Variants in ARNT2 observed in about 807,000 individuals in gnomAD.
ARNT2 encodes aryl hydrocarbon receptor nuclear translocator 2, also known as ARNT protein 2.
ARNT2 carries 36 observed loss-of-function variants against 91.7 expected under a neutral mutation model. The observed-to-expected ratio is 0.39, with a 90% confidence interval of 0.30 to 0.52. The LOEUF (loss-of-function observed/expected upper bound fraction) is 0.52, where lower values mean the gene tolerates loss of function less well. ARNT2 is among the 20% of genes least tolerant of loss of function. The pLI is 0.72. For missense variants in ARNT2, 775 were observed against 939.3 expected (o/e 0.83, Z 2.29); for synonymous variants, 365 against 347.1 (o/e 1.05, Z -0.57).
In ARNT2 at chr15:80,591,064, G is replaced by T. The variant is rs1303599954; in HGVS notation, c.1919-504G>T. 6.6e-6 allele frequency among the ~76,000 whole-genome samples: 1 copy of T among 152,220 alleles called. No individual in the cohort carries two copies. Among genetic ancestry groups the T allele is most frequent in the Admixed American group, 6.5e-5 (1 of 15,280 alleles). On this transcript the variant is annotated intron_variant, in intron 17 of 18. Transcript: ENST00000303329. The surrounding 1 kb of genome is among the most constrained non-coding windows in gnomAD (Gnocchi z 5.1). Reference sequence around the variant, plus strand: ...AGGCTGAGGTTGGGAATGCCAAGATGAGGCTTTTCCTCTAGCAGGGCCAGA... The same window carrying T: ...AGGCTGAGGTTGGGAATGCCAAGATTAGGCTTTTCCTCTAGCAGGGCCAGA...
At chr15:80,567,214 C>A (rs1898500722) in intron 12 of ARNT2, among the ~76,000 whole-genome samples, 1 of 152,176 alleles carries the variant, frequency 6.6e-6, no homozygotes, top group African/African-American at 2.4e-5. Context: ...ACAGGATGTG[C>A]TCACTGACCT....
intron 16 of ARNT2, 133 bp downstream of exon 16, chr15:80,580,682 G>A: frequency 8.2e-7 from 1 of 1,218,142 alleles, no homozygotes; most frequent in Admixed American, 2.2e-5. Flanking sequence ...ACAGCAGCTG[G>A]CTACTCAGGA....
rs920138807 is a variant in ARNT2 at position 80,538,129 on chromosome 15, A to C, written c.878-13070A>C. Among the ~76,000 whole-genome samples the C allele has an allele frequency of 9.8e-5, 15 of 152,346 alleles. 2 individuals are homozygous for C. The highest frequency in any genetic ancestry group is 2.0e-4 in the Admixed American group (3 of 15,308). Reference sequence around the variant, plus strand: ...TCATAGTAAAACAAAGAAGTCATGAAATTTTATAATATTTAAATATATGAA... The same window carrying C: ...TCATAGTAAAACAAAGAAGTCATGACATTTTATAATATTTAAATATATGAA... On this transcript the variant is annotated intron_variant, in intron 8 of 18. Coordinates refer to ENST00000303329, the MANE Select transcript of ARNT2 (RefSeq NM_014862.4).
chr15:80,547,420 C>A (rs1898007342), intron 8 of ARNT2, among the ~76,000 whole-genome samples: 1 of 152,080 alleles, frequency 6.6e-6, no homozygotes, highest in African/African-American at 2.4e-5. Flanking sequence ...GTATTAAGCC[C>A]CGGATGGAAA....
rs998973375 is a variant in ARNT2 at position 80,558,686 on chromosome 15, C to T, written c.1164+3547C>T. ...AATCTTCACCACTGAGTGTAGAGCC[C>T]TGTACAAGGGTGGCTCTCAACAAAG... On this transcript the variant is annotated intron_variant, in intron 11 of 18. Transcript: ENST00000303329. Among the ~76,000 whole-genome samples the T allele has an allele frequency of 1.3e-5, 2 of 152,122 alleles. 1 individual carries two copies. The highest frequency in any genetic ancestry group is 4.8e-5 in the African/African-American group (2 of 41,420).
chr15:80,580,117 G>A, intron 15 of ARNT2: 1 of 338,206 alleles, frequency 3.0e-6, no homozygotes, highest in Non-Finnish European at 5.6e-6. Context: ...GGATGTACAG[G>A]CATAGGATAG....
chr15:80,575,187 C>G, intron 14 of ARNT2, 77 bp downstream of exon 14: 1 of 1,571,536 alleles, frequency 6.4e-7, no homozygotes. Context: ...GACAGCTACT[C>G]TTAGTAAGAG....
At chr15:80,507,131 G>A (rs1311902316) in intron 5 of ARNT2, among the ~76,000 whole-genome samples, 2 of 152,204 alleles carry the variant, frequency 1.3e-5, no homozygotes, top group Non-Finnish European at 2.9e-5. Context: ...TCTTTTGCTT[G>A]TTTGTTTTCC....
At chr15:80,409,330 AC>A (rs1431918837) in intron 1 of ARNT2, among the ~76,000 whole-genome samples, 4 of 152,210 alleles carry the variant, frequency 2.6e-5, no homozygotes, top group Non-Finnish European at 4.4e-5. Flanking sequence ...TTCATGCATT[AC>A]GTAGCCTTTT....
Position 80,503,958 on chromosome 15 carries a change from GCA to G in ARNT2, c.623-4195_623-4194del, listed in dbSNP as rs545507692. On this transcript the variant is annotated intron_variant, in intron 5 of 18. Coordinates refer to ENST00000303329, the MANE Select transcript of ARNT2 (RefSeq NM_014862.4). ...GTGTTGAGGGGAGCAAGCTGACCAG[GCA>G]CAGTCCTAGACCATGTGTGCAGGAT... 6.6e-5 allele frequency among the ~76,000 whole-genome samples: 10 copies of G among 152,328 alleles called. No individual in the cohort carries two copies. The South Asian group carries it at 2.1e-3, about 32-fold the overall frequency.
chr15:80,592,266 G>C (rs1297947977), intron 18 of ARNT2, among the ~76,000 whole-genome samples: 2 of 152,212 alleles, frequency 1.3e-5, no homozygotes, highest in African/African-American at 4.8e-5. Flanking sequence ...AAGGCAGACT[G>C]TGTGGCTGGG....
At chr15:80,445,186 G>A (rs1896277260) in intron 1 of ARNT2, 1 of 151,740 alleles carries the variant, frequency 6.6e-6, no homozygotes, top group Admixed American at 6.6e-5. Flanking sequence ...TACGCAGGGT[G>A]TGTGGGGTGT....
intron 5 of ARNT2, among the ~76,000 whole-genome samples, chr15:80,506,189 G>T (rs1897274021): frequency 6.6e-6 from 1 of 152,110 alleles, no homozygotes; most frequent in Non-Finnish European, 1.5e-5. Context: ...ACCCGCCTCG[G>T]CCTCCCAAAG....
intron 5 of ARNT2, among the ~76,000 whole-genome samples, chr15:80,505,927 G>GTTTTTTTTTTTTTTTTTTTT (rs1161520898): frequency 4.5e-5 from 4 of 88,930 alleles, no homozygotes; most frequent in African/African-American, 8.5e-5. Flanking sequence ...AACATTTGTT[G>GTTTTTTTTTTTTTTTTTTTT]TTTTTTTTTT....
At chr15:80,429,592 T>G (rs1895981386) in intron 1 of ARNT2, among the ~76,000 whole-genome samples, 1 of 152,212 alleles carries the variant, frequency 6.6e-6, no homozygotes, top group South Asian at 2.1e-4. Context: ...TAGCAAATCA[T>G]CGAACCTGAG....
At chr15:80,437,732 G>A (rs895943143) in intron 1 of ARNT2, among the ~76,000 whole-genome samples, 6 of 152,066 alleles carry the variant, frequency 3.9e-5, no homozygotes, top group Non-Finnish European at 7.4e-5. Context: ...CAATTCCCAC[G>A]CAGCCTGCCC....
rs1260627991 is a variant in ARNT2 at position 80,591,521 on chromosome 15, C to T, written c.1919-47C>T. On this transcript the variant is annotated intron_variant, in intron 17 of 18. Coordinates refer to ENST00000303329, the MANE Select transcript of ARNT2 (RefSeq NM_014862.4). The surrounding 1 kb of genome is among the most constrained non-coding windows in gnomAD (Gnocchi z 5.1). ...CAGTGGTTCTTAGGTCTCACAGAAC[C>T]ACGGGATGGCTTTTAAAGGAAGTGT... 1 of 1,609,450 alleles carries T rather than the reference C, an allele frequency of 6.2e-7. No individual in the cohort carries two copies. Among genetic ancestry groups the T allele is most frequent in the South Asian group, 1.1e-5 (1 of 90,756 alleles).
At position 80,542,344 on chromosome 15, in the gene ARNT2, A is replaced by G. The variant is rs555925668; in HGVS notation, c.878-8855A>G. 7.4e-4 allele frequency among the ~76,000 whole-genome samples: 112 copies of G among 152,324 alleles called. No individual in the cohort carries two copies. In the South Asian group the frequency reaches 0.01, roughly 14 times the overall value. Reference sequence around the variant, plus strand: ...AAAGGACTGGTATCTTAGGGCCCCCATCAAGTCTCTTTCTATTCACTTCTA... The same window carrying G: ...AAAGGACTGGTATCTTAGGGCCCCCGTCAAGTCTCTTTCTATTCACTTCTA... On this transcript the variant is annotated intron_variant, in intron 8 of 18. Transcript: ENST00000303329.
At chr15:80,504,282 T>C (rs1354654964) in intron 5 of ARNT2, among the ~76,000 whole-genome samples, 1 of 152,238 alleles carries the variant, frequency 6.6e-6, no homozygotes, top group Non-Finnish European at 1.5e-5. Context: ...TCTGTTCTGT[T>C]TGAGTCTATT....
Sources: gnomAD v4.1 joint callset for allele counts (sites outside exome capture counted in the v4.1 genomes callset) on GRCh38, gnomAD v4.1.1 for gene constraint, Gnocchi (gnomAD v3.1) non-coding constraint, MANE v1.5 for transcripts, NCBI Gene and HGNC (gene_info 2026-07-23, HGNC 2026-07-21) for gene names.